ENOSF1: variants seen among roughly 807,000 people sequenced by gnomAD.
ENOSF1 encodes enolase superfamily member 1, also known as mitochondrial enolase superfamily member 1.
A neutral mutation model predicts 68.2 loss-of-function variants in ENOSF1; 73 were observed. That is an observed-to-expected ratio of 1.07 (90% CI 0.89 to 1.30). The LOEUF (loss-of-function observed/expected upper bound fraction) is 1.30, where lower values mean the gene tolerates loss of function less well. ENOSF1 is among the 50% of genes most tolerant of loss of function. The pLI, the probability that ENOSF1 is intolerant of heterozygous loss-of-function variation, is 0.00. For synonymous variants in ENOSF1, 223 were observed against 210.4 expected, an observed-to-expected ratio of 1.06 and a Z score of -0.52; for missense variants, 589 against 554.5, an observed-to-expected ratio of 1.06 and a Z score of -0.62.
chr18:674,135 T>C lies in ENOSF1; in HGVS notation c.*170A>G. ...TTAAGTAGGATAACGTGCATTGATT[T>C]GCTAAAAGAATCAAGTAATAATTAC... On this transcript the variant is annotated 3_prime_UTR_variant, in exon 16 of 16. Coordinates refer to ENST00000647584, the MANE Select transcript of ENOSF1 (RefSeq NM_017512.7). 1.7e-6 allele frequency: 1 copy of C among 579,678 alleles called. No individual in the cohort carries two copies. Among genetic ancestry groups the C allele is most frequent in the South Asian group, 2.3e-5 (1 of 43,620 alleles). 35.9% of individuals were successfully genotyped at this position (579,678 alleles called of 1,614,324 possible).
intron 2 of ENOSF1, among the ~76,000 whole-genome samples, chr18:705,530 A>G (rs1598801455): frequency 6.6e-6 from 1 of 152,088 alleles, no homozygotes; most frequent in African/African-American, 2.4e-5. Flanking sequence ...AGCTCTGAAA[A>G]AAGTTATGTT....
At chr18:691,701 T>C (rs1282172403) in intron 5 of ENOSF1, 2 of 167,372 alleles carry the variant, frequency 1.2e-5, no homozygotes, top group Non-Finnish European at 2.6e-5. Flanking sequence ...CCTTTAGGGC[T>C]TTGTTAAATT....
intron 2 of ENOSF1, among the ~76,000 whole-genome samples, chr18:699,439 C>T (rs1321306964): frequency 6.6e-6 from 1 of 151,848 alleles, no homozygotes; most frequent in African/African-American, 2.4e-5. Flanking sequence ...GATTGTGCCA[C>T]TGCACTCCAG....
Position 677,837 on chromosome 18 carries a change from C to T in ENOSF1, c.954G>A (p.Gln318=), listed in dbSNP as rs780787775. ...HNRVIFKQLL[Q]AKALQFLQID... ...TCTGGAGGAACTGCAGGGCCTTCGCCTGTAGGAGTTGCTTAAATATCACTC... is the reference window on the plus strand; with the variant it reads ...TCTGGAGGAACTGCAGGGCCTTCGCTTGTAGGAGTTGCTTAAATATCACTC... Residue 318 remains glutamine (Q), a synonymous_variant, in exon 13 of 16, where the codon CAG becomes CAA. Transcript: ENST00000647584. The T allele has an allele frequency of 5.6e-6, 9 of 1,614,106 alleles. No individual in the cohort carries two copies. The South Asian group carries it at 6.6e-5, about 12-fold the overall frequency.
At chr18:699,593 G>A (rs1465941263) in intron 2 of ENOSF1, among the ~76,000 whole-genome samples, 2 of 152,146 alleles carry the variant, frequency 1.3e-5, no homozygotes, top group South Asian at 2.1e-4. Context: ...TTTAGCCTAC[G>A]TTGTGTAAAT....
Position 691,092 on chromosome 18 carries a change from C to A in ENOSF1, c.511G>T (p.Gly171Cys). The change falls in exon 7 of 16, where the codon GGT becomes TGT. Residue 171 changes from glycine (G) to cysteine (C), a missense_variant. Gly to Cys is a radical substitution (Grantham distance 159). Transcript: ENST00000647584. ...CCTCTTTCTTTTTTACCAATTTGAC[C>A]TTTCTGCAGTATTTCTGGAAGAAAT... ...EEDALEILQKGQIGKKEREKQ... is the reference protein window; with the variant it reads ...EEDALEILQKCQIGKKEREKQ... 1.2e-6 allele frequency: 2 copies of A among 1,614,176 alleles called. No homozygotes were observed. Among genetic ancestry groups the A allele is most frequent in the Non-Finnish European group, 1.7e-6 (2 of 1,180,022 alleles).
chr18:667,442 T>A (rs200468072), downstream of ENOSF1, among the ~76,000 whole-genome samples: 5 of 1,152 alleles, frequency 4.3e-3, 1 homozygote, highest in Non-Finnish European at 6.0e-3. Context: ...ATGGTGATGG[T>A]GATGGTGATG....
chr18:670,873 C>T lies in ENOSF1; in HGVS notation c.*3432G>A, dbSNP rs776066230. The T allele has an allele frequency of 1.5e-5, 24 of 1,613,666 alleles. No homozygotes were observed. The highest frequency in any genetic ancestry group is 1.9e-5 in the Non-Finnish European group (23 of 1,179,756). ...CGCACATCACGGGCCTGAAGGTGGG[C>T]TGTCTCGGGAAGGGTGACTTGCCAG... On this transcript the variant is annotated 3_prime_UTR_variant, in exon 16 of 16. Transcript: ENST00000647584.
At chr18:684,143 A>T (rs546875738) in intron 10 of ENOSF1, among the ~76,000 whole-genome samples, 2 of 151,174 alleles carry the variant, frequency 1.3e-5, no homozygotes, top group Non-Finnish European at 3.0e-5. Context: ...ACAGGCGCCC[A>T]CCACCACACC....
chr18:680,867 A>ATGGAGTCTCGCTCTGTCACCCAGGC (rs1568030034), intron 11 of ENOSF1, among the ~76,000 whole-genome samples: 18 of 145,938 alleles, frequency 1.2e-4, no homozygotes, highest in African/African-American at 4.6e-4. Flanking sequence ...TTTTTCTGAG[A>ATGGAGTCTCGCTCTGTCACCCAGGC]TGGAGTCTCG....
chr18:664,456 T>C, the ENOSF1 span, among the ~76,000 whole-genome samples: 1 of 144,230 alleles, frequency 6.9e-6, no homozygotes, highest in Non-Finnish European at 1.5e-5. Flanking sequence ...AATCATGTCG[T>C]CTGCAAACAG....
At chr18:711,389 G>A (rs865822811) in intron 1 of ENOSF1, among the ~76,000 whole-genome samples, 7 of 152,090 alleles carry the variant, frequency 4.6e-5, no homozygotes, top group Admixed American at 6.5e-5. Context: ...CATTACAATG[G>A]GAATTAGAGA....
intron 9 of ENOSF1, 92 bp from the exon 10 acceptor site, chr18:686,100 C>T (rs994672519): frequency 2.3e-6 from 2 of 866,800 alleles, no homozygotes; most frequent in Admixed American, 3.5e-5. Flanking sequence ...TCTCTGTCAA[C>T]AATTCACAGA....
Position 677,780 on chromosome 18 carries a change from C to G in ENOSF1, c.1011G>C (p.Glu337Asp). 1.2e-6 allele frequency: 2 copies of G among 1,614,128 alleles called. No homozygotes were observed. Among genetic ancestry groups the G allele is most frequent in the Admixed American group, 3.3e-5 (2 of 60,016 alleles). ...TGGCCATCAGCAATACTGAGAGGTT[C>G]TCATTGACACTGCCCAGTCTGCAAC... ...IDSCRLGSVN[E>D]NLSVLLMAKK... Residue 337 changes from glutamate to aspartate, a missense_variant, in exon 13 of 16, where the codon GAG becomes GAC. By Grantham distance (45) the Glu-to-Asp change is conservative. Coordinates refer to ENST00000647584, the MANE Select transcript of ENOSF1 (RefSeq NM_017512.7).
Position 678,034 on chromosome 18 carries a change from GC to G in ENOSF1, c.919-163del, listed in dbSNP as rs2075689620. 4.7e-5 allele frequency: 36 copies of G among 767,086 alleles called. No individual in the cohort carries two copies. The South Asian group carries it at 7.0e-4, about 15-fold the overall frequency. 47.5% of individuals were successfully genotyped at this position (767,086 alleles called of 1,614,324 possible). A position where few individuals can be genotyped will look rare whatever the true frequency, so the allele number is the denominator to read the frequency against. On this transcript the variant is annotated intron_variant, in intron 12 of 15. Transcript: ENST00000647584. ...TTTGTTCTCGCTGGGCATGAGGCGA[GC>G]TTTTATAGCGTGGGCAGGGACCTTG...
chr18:678,921 GAGA>G (rs1400510814), intron 11 of ENOSF1, among the ~76,000 whole-genome samples, 184 bp from the exon 12 acceptor site: 3 of 152,148 alleles, frequency 2.0e-5, no homozygotes, highest in Admixed American at 1.3e-4. Flanking sequence ...ATCTGCAGAG[GAGA>G]AGGTGAGCAC....
Position 670,625 on chromosome 18 carries a change from T to C in ENOSF1, c.*3680A>G. 1 of 1,557,666 alleles carries C rather than the reference T, an allele frequency of 6.4e-7. No homozygotes were observed. Among genetic ancestry groups the C allele is most frequent in the Non-Finnish European group, 8.8e-7 (1 of 1,142,226 alleles). On this transcript the variant is annotated 3_prime_UTR_variant, in exon 16 of 16. Coordinates refer to ENST00000647584, the MANE Select transcript of ENOSF1 (RefSeq NM_017512.7). ...GTTGGCTTCTGTTTCTCTCCTGTTTTACTTTGCCTTTAGCTGTGGTCTTTC... is the reference window on the plus strand; with the variant it reads ...GTTGGCTTCTGTTTCTCTCCTGTTTCACTTTGCCTTTAGCTGTGGTCTTTC...
intron 3 of ENOSF1, among the ~76,000 whole-genome samples, chr18:695,426 G>A (rs2077615396): frequency 6.6e-6 from 1 of 152,128 alleles, no homozygotes; most frequent in South Asian, 2.1e-4. Context: ...TTCCAAGTAA[G>A]GAGGTTATTA....
At chr18:709,607 CCAAAAATA>C (rs1226062590) in intron 1 of ENOSF1, among the ~76,000 whole-genome samples, 1 of 151,958 alleles carries the variant, frequency 6.6e-6, no homozygotes, top group East Asian at 1.9e-4. Context: ...CCCGTCTCTA[CCAAAAATA>C]CAAAAATTAG....
Sources: allele counts gnomAD v4.1 joint callset (sites outside exome capture counted in the v4.1 genomes callset), GRCh38; gene constraint gnomAD v4.1.1; transcripts MANE v1.5; gene names NCBI Gene and HGNC (gene_info 2026-07-23, HGNC 2026-07-21).